Variants in ADAM29 observed in about 807,000 individuals in gnomAD.
The protein encoded by ADAM29 is ADAM metallopeptidase domain 29.
For synonymous variants in ADAM29, 367 were observed against 342.3 expected, an observed-to-expected ratio of 1.07 and a Z score of -0.80; for missense variants, 969 against 1,001.8, an observed-to-expected ratio of 0.97 and a Z score of 0.44.
chr4:174,955,270 G>A (rs2111035391), intron 4 of ADAM29, among the ~76,000 whole-genome samples: 1 of 152,070 alleles, frequency 6.6e-6, no homozygotes, highest in Admixed American at 6.6e-5. Flanking sequence ...ATCAGGAAAG[G>A]AGAAGAAAAC....
Position 174,975,462 on chromosome 4 carries a change from G to T in ADAM29, c.-64G>T. The T allele has an allele frequency of 6.8e-7, 1 of 1,468,670 alleles. No individual in the cohort carries two copies. The highest frequency in any genetic ancestry group is 9.0e-7 in the Non-Finnish European group (1 of 1,106,110). 91.0% of individuals were successfully genotyped at this position (1,468,670 alleles called of 1,614,324 possible). A position where few individuals can be genotyped will look rare whatever the true frequency, so the allele number is the denominator to read the frequency against. On this transcript the variant is annotated 5_prime_UTR_variant, in exon 5 of 5. Transcript: ENST00000359240. ...ACCTGTGACTCCAGCCCTGACTTCT[G>T]CTCTGGACCAGTGTTTCCATAACAG...
chr4:174,924,352 C>T (rs1307706910), intron 2 of ADAM29, among the ~76,000 whole-genome samples: 2 of 152,156 alleles, frequency 1.3e-5, no homozygotes, highest in Non-Finnish European at 2.9e-5. Context: ...GGTAAGGATG[C>T]AGTGCAACAG....
At chr4:174,928,195 A>G (rs7680123) in intron 2 of ADAM29, among the ~76,000 whole-genome samples, 139,938 of 152,112 alleles carry the variant, frequency 0.92, 64,390 homozygotes, top group East Asian at 0.96. Context: ...CTGATTTATT[A>G]TCAGTCCTGC....
At position 174,977,545 on chromosome 4, in the gene ADAM29, A is replaced by T. The variant is rs759197670; in HGVS notation, c.2020A>T (p.Lys674Ter). ...SGPPPKRKKK[K>*]KFCYLCILLL... ...CCCACCCCCTAAGAGAAAGAAGAAA[A>T]AGAAGTTCTGTTATCTGTGTATATT... Residue 674 changes from lysine (K) to a stop codon, truncating the protein, a stop_gained, in exon 5 of 5, where the codon AAG becomes TAG. Coordinates refer to ENST00000359240, the MANE Select transcript of ADAM29 (RefSeq NM_014269.4). LOFTEE classifies it low-confidence loss of function (END_TRUNC). 3.3e-5 allele frequency: 53 copies of T among 1,614,068 alleles called. No homozygotes were observed. Among genetic ancestry groups the T allele is most frequent in the Non-Finnish European group, 4.4e-5 (52 of 1,180,036 alleles).
At chr4:174,921,404 C>T (rs1466552961) in intron 2 of ADAM29, among the ~76,000 whole-genome samples, 2 of 152,140 alleles carry the variant, frequency 1.3e-5, no homozygotes. Flanking sequence ...AAATGAATTT[C>T]ATTTCCTGTT....
chr4:174,944,340 A>T (rs1198877460), intron 4 of ADAM29, among the ~76,000 whole-genome samples: 1 of 152,190 alleles, frequency 6.6e-6, no homozygotes. Context: ...GTTTAAAAAA[A>T]TTAAATTGTT....
intron 4 of ADAM29, among the ~76,000 whole-genome samples, chr4:174,962,275 G>GC (rs1417102244): frequency 6.6e-6 from 1 of 152,104 alleles, no homozygotes. Flanking sequence ...ACTTTGGGAG[G>GC]CCGGGGCGGG....
At chr4:174,952,376 A>ACACACACC (rs1443988350) in intron 4 of ADAM29, among the ~76,000 whole-genome samples, 2 of 150,652 alleles carry the variant, frequency 1.3e-5, no homozygotes, top group African/African-American at 5.0e-5. Flanking sequence ...ACACACACAC[A>ACACACACC]CACACCTTAA....
chr4:174,919,817 T>C (rs2110881819), intron 1 of ADAM29, among the ~76,000 whole-genome samples: 1 of 152,310 alleles, frequency 6.6e-6, no homozygotes, highest in African/African-American at 2.4e-5. Context: ...CTGTGTTACA[T>C]AATCCAATCA....
At chr4:174,934,712 C>T (rs970713098) in intron 3 of ADAM29, among the ~76,000 whole-genome samples, 11 of 152,080 alleles carry the variant, frequency 7.2e-5, no homozygotes, top group East Asian at 5.8e-4. Context: ...TCCCATCTTC[C>T]GCAGGAGATG....
intron 4 of ADAM29, among the ~76,000 whole-genome samples, chr4:174,970,093 C>G (rs1314069739): frequency 6.6e-6 from 1 of 151,888 alleles, no homozygotes; most frequent in Non-Finnish European, 1.5e-5. Context: ...ACCCTACATT[C>G]CTGGAAGAAA....
chr4:174,929,794 T>TC (rs1257839668), intron 2 of ADAM29, among the ~76,000 whole-genome samples: 2 of 151,922 alleles, frequency 1.3e-5, no homozygotes, highest in Non-Finnish European at 2.9e-5. Flanking sequence ...TCTCACTCTG[T>TC]TGCCCAGGCT....
chr4:174,954,060 A>G (rs1381933845), intron 4 of ADAM29, among the ~76,000 whole-genome samples: 3 of 152,160 alleles, frequency 2.0e-5, no homozygotes, highest in Middle Eastern at 3.2e-3. Context: ...CCATTCTGCC[A>G]TTATATAACT....
chr4:174,962,615 A>G (rs1745907384), intron 4 of ADAM29, among the ~76,000 whole-genome samples: 1 of 152,140 alleles, frequency 6.6e-6, no homozygotes, highest in African/African-American at 2.4e-5. Flanking sequence ...GGAAAATGCT[A>G]GAGTGGATTT....
intron 4 of ADAM29, among the ~76,000 whole-genome samples, chr4:174,955,970 C>T (rs1025158622): frequency 3.9e-5 from 6 of 151,978 alleles, no homozygotes; most frequent in African/African-American, 1.2e-4. Context: ...GATTATGATA[C>T]CCTCTACTTA....
intron 3 of ADAM29, among the ~76,000 whole-genome samples, chr4:174,931,743 T>C (rs924431015): frequency 5.3e-5 from 8 of 152,100 alleles, no homozygotes; most frequent in African/African-American, 1.7e-4. Flanking sequence ...ATTCTGTTTG[T>C]CTCTATTTTC....
chr4:174,929,756 T>TC (rs1491573857), intron 2 of ADAM29, among the ~76,000 whole-genome samples: 915 of 13,146 alleles, frequency 0.07, 16 homozygotes, highest in African/African-American at 0.26. Context: ...TCTCTCTCTC[T>TC]TTTTTTTTTT....
chr4:174,966,024 C>CA (rs1293836987), intron 4 of ADAM29, among the ~76,000 whole-genome samples: 2 of 152,150 alleles, frequency 1.3e-5, no homozygotes, highest in East Asian at 3.8e-4. Context: ...CCCAGATGTT[C>CA]AAGTTTCTAA....
At chr4:174,950,707 G>A (rs1443701330) in intron 4 of ADAM29, among the ~76,000 whole-genome samples, 1 of 152,128 alleles carries the variant, frequency 6.6e-6, no homozygotes, top group Non-Finnish European at 1.5e-5. Flanking sequence ...CATACTTGAT[G>A]TGGTTTATCT....
Sources: allele counts gnomAD v4.1 joint callset (sites outside exome capture counted in the v4.1 genomes callset), GRCh38; gene constraint gnomAD v4.1.1; transcripts MANE v1.5; gene names NCBI Gene and HGNC (gene_info 2026-07-23, HGNC 2026-07-21).